CHRD: variants seen among roughly 807,000 people sequenced by gnomAD.
CHRD encodes chordin.
A neutral mutation model predicts 113.7 loss-of-function variants in CHRD; 69 were observed. That is an observed-to-expected ratio of 0.61 (90% CI 0.50 to 0.74). The LOEUF is 0.74. CHRD is among the 30% of genes least tolerant of loss of function. The pLI is 0.00. For synonymous variants in CHRD, 561 were observed against 540.8 expected (o/e 1.04, Z -0.52); for missense variants, 1,194 against 1,295.8 (o/e 0.92, Z 1.21).
Position 184,387,418 on chromosome 3 carries a change from C to T in CHRD, c.2392C>T (p.Arg798Trp), listed in dbSNP as rs757024413. 1.3e-5 allele frequency: 21 copies of T among 1,612,838 alleles called. No individual in the cohort carries two copies. Among genetic ancestry groups the T allele is most frequent in the African/African-American group, 4.0e-5 (3 of 74,882 alleles). Reference sequence around the variant, plus strand: ...CCGGAGCTGGCGGGCAGCGGGTACGCGGTGGCACCCCGTTGTGCCCCCCTT... The same window carrying T: ...CCGGAGCTGGCGGGCAGCGGGTACGTGGTGGCACCCCGTTGTGCCCCCCTT... The change falls in exon 19 of 23, where the codon CGG becomes TGG. Residue 798 changes from arginine (R) to tryptophan (W), a missense_variant. Physicochemically the swap from Arg to Trp is moderately radical, Grantham distance 101. Transcript: ENST00000204604. This position sits in a 1 kb window ranked among gnomAD's most constrained non-coding sequence, Gnocchi z 6.1.
exon 7 of CHRD, chr3:184,382,462 T>G (rs1218569991): frequency 1.2e-6 from 2 of 1,614,100 alleles, no homozygotes; most frequent in Non-Finnish European, 1.7e-6. Flanking sequence ...CATGTGGCAC[T>G]TGTGACACTC....
In CHRD at chr3:184,380,393, C is replaced by T. The variant is rs756193657; in HGVS notation, c.75C>T (p.Arg25=). The change falls in exon 1 of 23, where the codon CGC becomes CGT. Residue 25 remains arginine (R), a synonymous_variant. Transcript: ENST00000204604. The surrounding 1 kb of genome is among the most constrained non-coding windows in gnomAD (Gnocchi z 6.3). ...TGCTGCTCGGCTCCCGGCCGGCCCG[C>T]GGCGCCGGCCCAGAGCCCCCCGTGC... 3.0e-6 allele frequency: 4 copies of T among 1,340,090 alleles called. No homozygotes were observed. The highest frequency in any genetic ancestry group is 3.9e-6 in the Non-Finnish European group (4 of 1,036,194). The allele number at this position is 1,340,090 out of a possible 1,614,324, so 83.0% of individuals were successfully genotyped here.
In CHRD at chr3:184,386,027, T is replaced by C. The variant is rs766969474; in HGVS notation, c.1819-19T>C. 4 of 1,613,724 alleles carry C rather than the reference T, an allele frequency of 2.5e-6. No individual in the cohort carries two copies. The South Asian group carries it at 4.4e-5, about 18-fold the overall frequency. ...CCCTAAAGTGCCTTATTCCTATCCA[T>C]TGTCCTGTCTATGTGCAGGCCCAGG... is the stretch of plus-strand genomic sequence containing the variant. On this transcript the variant is annotated intron_variant, in intron 14 of 22. Coordinates refer to ENST00000204604, the Ensembl canonical transcript of CHRD.
chr3:184,386,056 T>C lies in CHRD; in HGVS notation c.1829T>C (p.Val610Ala), dbSNP rs1308291648. ...CCTGTCTATGTGCAGGCCCAGGGTG[T>C]GGTGAAGGACCTGGAGCCGGAACTG... is the stretch of plus-strand genomic sequence containing the variant. Residue 610 changes from valine (V) to alanine (A), a missense_variant, in exon 15 of 23, where the codon GTG becomes GCG. Coordinates refer to ENST00000204604, the Ensembl canonical transcript of CHRD. The C allele has an allele frequency of 6.2e-7, 1 of 1,614,092 alleles. No homozygotes were observed. The highest frequency in any genetic ancestry group is 8.5e-7 in the Non-Finnish European group (1 of 1,179,988).
rs572984824 is a variant in CHRD, at chr3:184,381,499, G to T, written c.386G>T (p.Arg129Leu). Residue 129 changes from arginine (R) to leucine (L), a missense_variant, in exon 4 of 23, where the codon CGC becomes CTC. By Grantham distance (102) the Arg-to-Leu change is moderately radical. Coordinates refer to ENST00000204604, the Ensembl canonical transcript of CHRD. This position sits in a 1 kb window ranked among gnomAD's most constrained non-coding sequence, Gnocchi z 4.7. ...GTTCTTACCCCCCCGCCCGCAGAGC[G>T]CAGCAGTTCGGAGCGGCAGCCGAGC... is the stretch of plus-strand genomic sequence containing the variant. 15 of 1,594,790 alleles carry T rather than the reference G, an allele frequency of 9.4e-6. No individual in the cohort carries two copies. The East Asian group carries it at 2.7e-4, about 29-fold the overall frequency.
At position 184,381,828 on chromosome 3, in the gene CHRD, A is replaced by G. The variant is rs1204798243; in HGVS notation, c.611+13A>G. On this transcript the variant is annotated intron_variant, in intron 5 of 22. Transcript: ENST00000204604. This position sits in a 1 kb window ranked among gnomAD's most constrained non-coding sequence, Gnocchi z 4.7. The stretch of plus-strand genomic sequence containing the variant: ...TCTCCTACAGGCGGTGAGAAAGGGG[A>G]AGGAGCAAGGAGGGGTCAGCTGCCG... 1 of 1,611,916 alleles carries G rather than the reference A, an allele frequency of 6.2e-7. No individual in the cohort carries two copies. The highest frequency in any genetic ancestry group is 8.5e-7 in the Non-Finnish European group (1 of 1,179,118).
Position 184,380,756 on chromosome 3 carries a change from A to G in CHRD, c.213A>G (p.Pro71=), listed in dbSNP as rs1273417142. 1.3e-6 allele frequency: 2 copies of G among 1,599,904 alleles called. No individual in the cohort carries two copies. The highest frequency in any genetic ancestry group is 1.7e-6 in the Non-Finnish European group (2 of 1,177,216). ...CGTGGCACCCGGACCTAGGGGAGCC[A>G]TTCGGGGTGATGCGCTGCGTGCTGT... The change falls in exon 2 of 23, where the codon CCA becomes CCG. Residue 71 remains proline, a synonymous_variant. Transcript: ENST00000204604. The surrounding 1 kb of genome is among the most constrained non-coding windows in gnomAD (Gnocchi z 6.3).
In CHRD at chr3:184,380,656, C is replaced by A; in HGVS notation, c.149-36C>A. 1 of 1,500,452 alleles carries A rather than the reference C, an allele frequency of 6.7e-7. No individual in the cohort carries two copies. The highest frequency in any genetic ancestry group is 8.9e-7 in the Non-Finnish European group (1 of 1,125,874). The allele number at this position is 1,500,452 out of a possible 1,614,324, so 92.9% of individuals were successfully genotyped here. A position where few individuals can be genotyped will look rare whatever the true frequency, so the allele number is the denominator to read the frequency against. On this transcript the variant is annotated intron_variant, in intron 1 of 22. Transcript: ENST00000204604. This position sits in a 1 kb window ranked among gnomAD's most constrained non-coding sequence, Gnocchi z 6.3. ...CCCCCGGGGCGGCACACGGCGCGAG[C>A]TGGGCAGCGGCCTCCAGCCAAGCCC...
intron 14 of CHRD, 86 bp from the exon 15 acceptor site, chr3:184,385,960 C>G (rs1171347313): frequency 1.5e-6 from 2 of 1,361,086 alleles, no homozygotes; most frequent in African/African-American, 2.9e-5. Context: ...ACCTCCCTGG[C>G]TCTCAGTTTC....
At position 184,383,045 on chromosome 3, in the gene CHRD, C is replaced by T. The variant is rs750420446; in HGVS notation, c.1095C>T (p.Asn365=). Reference sequence around the variant, plus strand: ...CAGGCTTTGCTGAGGTGCTGCCCAACCTGACAGTCCAGGAGATGGACTGGC... The same window carrying T: ...CAGGCTTTGCTGAGGTGCTGCCCAATCTGACAGTCCAGGAGATGGACTGGC... The change falls in exon 10 of 23, where the codon AAC becomes AAT. Residue 365 remains asparagine (N), a synonymous_variant. Coordinates refer to ENST00000204604, the Ensembl canonical transcript of CHRD. The T allele has an allele frequency of 3.1e-5, 50 of 1,612,172 alleles. No homozygotes were observed. In the Admixed American group the frequency reaches 3.9e-4, roughly 12 times the overall value.
Position 184,384,954 on chromosome 3 carries a change from C to A in CHRD, c.1598-64C>A. 4 of 1,522,530 alleles carry A rather than the reference C, an allele frequency of 2.6e-6. No individual in the cohort carries two copies. Among genetic ancestry groups the A allele is most frequent in the Non-Finnish European group, 3.6e-6 (4 of 1,104,700 alleles). The allele number at this position is 1,522,530 out of a possible 1,614,324, so 94.3% of individuals were successfully genotyped here. ...AATGTGTGCTGGGGAGCTGGGAATG[C>A]TGGGTTTGAGGGCTTGCCCTAGGCC... On this transcript the variant is annotated intron_variant, in intron 13 of 22. Transcript: ENST00000204604. The surrounding 1 kb of genome is among the most constrained non-coding windows in gnomAD (Gnocchi z 4.4).
chr3:184,381,916 C>T lies in CHRD; in HGVS notation c.612-17C>T, dbSNP rs764981888. 5.6e-6 allele frequency: 9 copies of T among 1,613,832 alleles called. No homozygotes were observed. The highest frequency in any genetic ancestry group is 6.8e-6 in the Non-Finnish European group (8 of 1,180,002). ...GCTTTTGGCTCAGTCCGGCCTCACC[C>T]GACCTCTCATTCCCAGGCTGGACCG... On this transcript the variant is annotated splice_polypyrimidine_tract_variant and intron_variant, in intron 5 of 22. Coordinates refer to ENST00000204604, the Ensembl canonical transcript of CHRD. This position sits in a 1 kb window ranked among gnomAD's most constrained non-coding sequence, Gnocchi z 4.7.
chr3:184,386,853 G>A, exon 17 of CHRD: 4 of 1,614,170 alleles, frequency 2.5e-6, no homozygotes, highest in Non-Finnish European at 3.4e-6. Context: ...AGAGACGAAC[G>A]GTGATCTGTG....
rs755354963 is a variant in CHRD at position 184,383,702 on chromosome 3, G to A, written c.1440+60G>A. ...CAATGCATGGGCTGTGGGAAGCCAG[G>A]TTGGATGAGCAGGGATGTTCATTAT... On this transcript the variant is annotated intron_variant, in intron 12 of 22. Transcript: ENST00000204604. The A allele has an allele frequency of 4.4e-5, 67 of 1,528,890 alleles. No individual in the cohort carries two copies. In the African/African-American group the frequency reaches 8.5e-4, roughly 19 times the overall value. The allele number at this position is 1,528,890 out of a possible 1,614,324, so 94.7% of individuals were successfully genotyped here.
chr3:184,383,361 G>A (rs1715774325), exon 11 of CHRD: 5 of 1,613,952 alleles, frequency 3.1e-6, no homozygotes, highest in Admixed American at 3.3e-5. Context: ...CAGTCCAGAC[G>A]GGTGCTGCCG....
In CHRD at chr3:184,387,426, C is replaced by T; in HGVS notation, c.2400C>T (p.His800=). The T allele has an allele frequency of 6.2e-7, 1 of 1,612,844 alleles. No homozygotes were observed. The highest frequency in any genetic ancestry group is 8.5e-7 in the Non-Finnish European group (1 of 1,179,586). Residue 800 remains histidine (H), a synonymous_variant, in exon 19 of 23, where the codon CAC becomes CAT. Coordinates refer to ENST00000204604, the Ensembl canonical transcript of CHRD. The surrounding 1 kb of genome is among the most constrained non-coding windows in gnomAD (Gnocchi z 6.1). The stretch of plus-strand genomic sequence containing the variant: ...GGCGGGCAGCGGGTACGCGGTGGCA[C>T]CCCGTTGTGCCCCCCTTTGGCTTAA...
Position 184,381,279 on chromosome 3 carries a change from C to T in CHRD, c.297C>T (p.Cys99=). Reference sequence around the variant, plus strand: ...CCAGGGGCCCTGGCAGGGTCAGCTGCAAGAACATCAAACCAGAGTGCCCAA... The same window carrying T: ...CCAGGGGCCCTGGCAGGGTCAGCTGTAAGAACATCAAACCAGAGTGCCCAA... Residue 99 remains cysteine (C), a synonymous_variant, in exon 3 of 23, where the codon TGC becomes TGT. Coordinates refer to ENST00000204604, the Ensembl canonical transcript of CHRD. The surrounding 1 kb of genome is among the most constrained non-coding windows in gnomAD (Gnocchi z 4.7). 1 of 1,613,174 alleles carries T rather than the reference C, an allele frequency of 6.2e-7. No individual in the cohort carries two copies. Among genetic ancestry groups the T allele is most frequent in the Non-Finnish European group, 8.5e-7 (1 of 1,179,890 alleles).
rs182575612 is a variant in CHRD at position 184,388,052 on chromosome 3, C to A, written c.2554+19C>A. 783 of 1,605,148 alleles carry A rather than the reference C, an allele frequency of 4.9e-4. 7 individuals are homozygous for A. The African/African-American group carries it at 9.6e-3, about 20-fold the overall frequency. On this transcript the variant is annotated intron_variant, in intron 20 of 22. Coordinates refer to ENST00000204604, the Ensembl canonical transcript of CHRD. The surrounding 1 kb of genome is among the most constrained non-coding windows in gnomAD (Gnocchi z 6.1). Reference sequence around the variant, plus strand: ...TGTCCAGGTGAGAGAGGTGGCTGAGCACTGAGGCCTCACCTTTGGGTTGAG... The same window carrying A: ...TGTCCAGGTGAGAGAGGTGGCTGAGAACTGAGGCCTCACCTTTGGGTTGAG...
At position 184,381,690 on chromosome 3, in the gene CHRD, C is replaced by T. The variant is rs1156844687; in HGVS notation, c.512-26C>T. 8 of 1,611,038 alleles carry T rather than the reference C, an allele frequency of 5.0e-6. No individual in the cohort carries two copies. Among genetic ancestry groups the T allele is most frequent in the Non-Finnish European group, 6.8e-6 (8 of 1,179,096 alleles). On this transcript the variant is annotated intron_variant, in intron 4 of 22. Coordinates refer to ENST00000204604, the Ensembl canonical transcript of CHRD. This position sits in a 1 kb window ranked among gnomAD's most constrained non-coding sequence, Gnocchi z 4.7. ...GCCACCAAAGCGGCGTTTGACAGTG[C>T]TCAGGCCATCTTCCTCCCGTCCCAG... is the stretch of plus-strand genomic sequence containing the variant.
Sources: allele counts gnomAD v4.1 joint callset, GRCh38; gene constraint gnomAD v4.1.1; non-coding constraint Gnocchi (gnomAD v3.1); transcripts MANE v1.5; gene names NCBI Gene and HGNC (gene_info 2026-07-23, HGNC 2026-07-21).